The following PTPRS variants were observed in gnomAD, a reference collection of about 807,000 sequenced individuals.
The protein encoded by PTPRS is protein tyrosine phosphatase receptor type S.
PTPRS carries 63 observed loss-of-function variants against 215.3 expected under a neutral mutation model. That is an observed-to-expected ratio of 0.29 (90% CI 0.24 to 0.36). The LOEUF is 0.36. Ranked by LOEUF, PTPRS falls within the 10% of genes least tolerant of loss-of-function variation. PTPRS has a pLI of 1.00. For missense variants in PTPRS, 2,258 were observed against 2,825.8 expected, an observed-to-expected ratio of 0.80 and a Z score of 4.56; for synonymous variants, 1,404 against 1,191.4, an observed-to-expected ratio of 1.18 and a Z score of -3.68.
intron 4 of PTPRS, among the ~76,000 whole-genome samples, chr19:5,272,321 CATGCA>C (rs1568534679): frequency 6.6e-6 from 1 of 152,046 alleles, no homozygotes; most frequent in African/African-American, 2.4e-5. Flanking sequence ...ATTTAGGCTG[CATGCA>C]GTGGCTTATG....
chr19:5,310,051 C>A (rs2147146869), intron 1 of PTPRS, among the ~76,000 whole-genome samples: 1 of 152,288 alleles, frequency 6.6e-6, no homozygotes, highest in South Asian at 2.1e-4. Context: ...CCTGCTCTCC[C>A]CTCCCCTCCT....
chr19:5,273,376 C>T (rs1167250433), intron 4 of PTPRS, 66 bp downstream of exon 4: 6 of 1,609,706 alleles, frequency 3.7e-6, no homozygotes, highest in Non-Finnish European at 5.1e-6. Flanking sequence ...TCATGTATTC[C>T]TTTTGTGCTT....
intron 1 of PTPRS, among the ~76,000 whole-genome samples, chr19:5,336,163 C>T (rs1032423166): frequency 6.6e-6 from 1 of 151,020 alleles, no homozygotes; most frequent in African/African-American, 2.4e-5. Context: ...CCCTCCCCAG[C>T]GCTTCTCAAA....
chr19:5,298,217 C>T (rs568541490), intron 1 of PTPRS, among the ~76,000 whole-genome samples: 17 of 152,306 alleles, frequency 1.1e-4, no homozygotes, highest in African/African-American at 4.1e-4. Context: ...ACTTGTTTAT[C>T]CCATTATGTC....
In PTPRS at chr19:5,226,200, G is replaced by A. The variant is rs534394231; in HGVS notation, c.2377-356C>T. 1.8e-3 allele frequency among the ~76,000 whole-genome samples: 274 copies of A among 152,286 alleles called. 1 individual carries two copies. The highest frequency in any genetic ancestry group is 3.4e-3 in the Middle Eastern group (1 of 294). On this transcript the variant is annotated intron_variant, in intron 16 of 37. Transcript: ENST00000262963. ...CCCCGCTCTCCCCACAGCCCTCCATGGCTCCCACCTCTCTTGGGGTCAAAG... is the reference window on the plus strand; with the variant it reads ...CCCCGCTCTCCCCACAGCCCTCCATAGCTCCCACCTCTCTTGGGGTCAAAG...
chr19:5,279,744 G>A (rs1263456484), intron 2 of PTPRS, among the ~76,000 whole-genome samples: 2 of 152,110 alleles, frequency 1.3e-5, no homozygotes, highest in Admixed American at 6.6e-5. Flanking sequence ...GTGCTGTGGC[G>A]TGATCTCGGC....
At chr19:5,333,869 G>C (rs1040854811) in intron 1 of PTPRS, among the ~76,000 whole-genome samples, 5 of 152,144 alleles carry the variant, frequency 3.3e-5, no homozygotes, top group Non-Finnish European at 5.9e-5. Context: ...GTGAATATTC[G>C]AATGAATGCA....
intron 1 of PTPRS, among the ~76,000 whole-genome samples, chr19:5,311,046 AT>A (rs532802714): frequency 1.4e-4 from 22 of 152,052 alleles, no homozygotes; most frequent in Non-Finnish European, 2.8e-4. Context: ...CGCCCAGCTA[AT>A]TTTTTTTATT....
intron 12 of PTPRS, 122 bp from the exon 13 acceptor site, chr19:5,239,185 G>GAA: frequency 1.4e-6 from 1 of 698,640 alleles, no homozygotes; most frequent in South Asian, 1.7e-5. Flanking sequence ...GAGAGAGAGA[G>GAA]AGACAGAGAA....
chr19:5,327,412 G>C (rs1482212515), intron 1 of PTPRS, among the ~76,000 whole-genome samples: 1 of 152,068 alleles, frequency 6.6e-6, no homozygotes, highest in Non-Finnish European at 1.5e-5. Flanking sequence ...GAAAACTGAG[G>C]CCCTGGAGGG....
intron 20 of PTPRS, 109 bp downstream of exon 20, chr19:5,220,891 T>C: frequency 1.5e-6 from 2 of 1,334,772 alleles, no homozygotes; most frequent in Non-Finnish European, 2.1e-6. Flanking sequence ...ATAGGGTCTG[T>C]GTTTCATAGG....
rs750235235 is a variant in PTPRS, at chr19:5,210,604, A to G, written c.5362-10T>C. 1 of 1,614,144 alleles carries G rather than the reference A, an allele frequency of 6.2e-7. No homozygotes were observed. Among genetic ancestry groups the G allele is most frequent in the South Asian group, 1.1e-5 (1 of 91,090 alleles). On this transcript the variant is annotated splice_polypyrimidine_tract_variant and intron_variant, in intron 34 of 37. Transcript: ENST00000262963. This position sits in a 1 kb window ranked among gnomAD's most constrained non-coding sequence, Gnocchi z 4.5. The stretch of plus-strand genomic sequence containing the variant: ...ACTGGTGACACTTCTCCTGTGGAGG[A>G]GATGGCGGCCGTGGTCAGCGCTGTC...
At chr19:5,310,095 T>G (rs1400339430) in intron 1 of PTPRS, among the ~76,000 whole-genome samples, 1 of 150,622 alleles carries the variant, frequency 6.6e-6, no homozygotes, top group African/African-American at 2.4e-5. Context: ...CACACAGGCC[T>G]CCTCGCTGTT....
At chr19:5,245,725 G>C in intron 10 of PTPRS, 51 bp downstream of exon 10, 1 of 1,509,240 alleles carries the variant, frequency 6.6e-7, no homozygotes. Flanking sequence ...TGAAGTCGGG[G>C]ATCGACTCCA....
At chr19:5,218,097 CT>C (rs1356087243) in intron 25 of PTPRS, among the ~76,000 whole-genome samples, 1 of 152,070 alleles carries the variant, frequency 6.6e-6, no homozygotes, top group African/African-American at 2.4e-5. Flanking sequence ...AAGAATAGCT[CT>C]TTCTGCCCAA....
At chr19:5,288,999 G>C (rs1441162331) in intron 1 of PTPRS, among the ~76,000 whole-genome samples, 1 of 152,106 alleles carries the variant, frequency 6.6e-6, no homozygotes, top group African/African-American at 2.4e-5. Flanking sequence ...GCAGGGACGA[G>C]GGGCTACAGT....
intron 37 of PTPRS, among the ~76,000 whole-genome samples, chr19:5,207,637 T>C (rs2040485072): frequency 6.6e-6 from 1 of 152,244 alleles, no homozygotes; most frequent in African/African-American, 2.4e-5. Flanking sequence ...TCAGTGGTTC[T>C]TGGCAGGGTC....
chr19:5,323,283 C>T (rs539191181), intron 1 of PTPRS, among the ~76,000 whole-genome samples: 6 of 152,214 alleles, frequency 3.9e-5, no homozygotes, highest in East Asian at 1.9e-4. Flanking sequence ...TGCTTCAATC[C>T]GGGAGGCAGA....
intron 16 of PTPRS, among the ~76,000 whole-genome samples, chr19:5,227,846 C>T (rs2042638742): frequency 6.6e-6 from 1 of 152,128 alleles, no homozygotes; most frequent in Non-Finnish European, 1.5e-5. Flanking sequence ...CAATGAATGA[C>T]AGCACAGAAC....
Sources: gnomAD v4.1 joint callset for allele counts (sites outside exome capture counted in the v4.1 genomes callset) on GRCh38, gnomAD v4.1.1 for gene constraint, Gnocchi (gnomAD v3.1) non-coding constraint, MANE v1.5 for transcripts, NCBI Gene and HGNC (gene_info 2026-07-23, HGNC 2026-07-21) for gene names.